Variants in KAZN observed in about 807,000 individuals in gnomAD.
The protein encoded by KAZN is kazrin, periplakin interacting protein.
A neutral mutation model predicts 87.4 loss-of-function variants in KAZN; 40 were observed. The ratio of observed to expected loss-of-function variants is 0.46; its 90% CI spans 0.36 to 0.60. The LOEUF is 0.60. Among genes scored for constraint, KAZN ranks in the 20% least tolerant of loss-of-function variants. The pLI is 0.00. For missense variants in KAZN, 898 were observed against 1,073.9 expected, an observed-to-expected ratio of 0.84 and a Z score of 2.29; for synonymous variants, 466 against 458.3, an observed-to-expected ratio of 1.02 and a Z score of -0.22.
At chr1:14,727,359 G>T (rs1033672988) in intron 1 of KAZN, among the ~76,000 whole-genome samples, 2 of 150,886 alleles carry the variant, frequency 1.3e-5, no homozygotes, top group Non-Finnish European at 2.9e-5. Flanking sequence ...ACCAGGGATG[G>T]GTTTCATTGA....
At chr1:15,093,814 A>C (rs780232980) in intron 8 of KAZN, among the ~76,000 whole-genome samples, 25 of 152,168 alleles carry the variant, frequency 1.6e-4, no homozygotes, top group Admixed American at 1.2e-3. Context: ...GTAGCAGTTC[A>C]TCTTATTTAG....
intron 2 of KAZN, among the ~76,000 whole-genome samples, chr1:14,491,108 C>A (rs1242983157): frequency 6.6e-6 from 1 of 152,150 alleles, no homozygotes; most frequent in Non-Finnish European, 1.5e-5. Flanking sequence ...CATGTCGATC[C>A]TACTCATTCC....
intron 1 of KAZN, among the ~76,000 whole-genome samples, chr1:14,114,188 A>G (rs543350448): frequency 6.6e-6 from 1 of 152,218 alleles, no homozygotes; most frequent in Non-Finnish European, 1.5e-5. Flanking sequence ...CTGGTTCTTC[A>G]GGGCCACAGC....
At chr1:14,429,297 G>A (rs1396002328) in intron 2 of KAZN, among the ~76,000 whole-genome samples, 2 of 152,158 alleles carry the variant, frequency 1.3e-5, no homozygotes, top group East Asian at 1.9e-4. Flanking sequence ...AAAGGGATGA[G>A]GGCCCTATTG....
intron 2 of KAZN, among the ~76,000 whole-genome samples, chr1:15,026,744 T>C (rs1437068830): frequency 1.3e-5 from 2 of 152,234 alleles, no homozygotes; most frequent in African/African-American, 2.4e-5. Context: ...AATGGATAGT[T>C]GTGCCTGTAC....
intron 1 of KAZN, among the ~76,000 whole-genome samples, chr1:14,141,729 A>C (rs1645244051): frequency 3.3e-5 from 5 of 152,072 alleles, no homozygotes; most frequent in Admixed American, 3.3e-4. Flanking sequence ...TAGGTAAAAA[A>C]ATCAGCGAGT....
intron 1 of KAZN, among the ~76,000 whole-genome samples, chr1:14,064,072 T>C (rs1642905392): frequency 1.3e-5 from 2 of 152,150 alleles, no homozygotes; most frequent in South Asian, 2.1e-4. Flanking sequence ...CCTGCCACTC[T>C]GCCTGGCTAA....
At chr1:13,989,632 G>A (rs1225944886) in intron 1 of KAZN, among the ~76,000 whole-genome samples, 1 of 152,102 alleles carries the variant, frequency 6.6e-6, no homozygotes, top group Non-Finnish European at 1.5e-5. Context: ...AGTATTCTAG[G>A]TGGTGGGGAT....
chr1:14,476,939 G>C (rs558431025), intron 2 of KAZN, among the ~76,000 whole-genome samples: 1 of 152,266 alleles, frequency 6.6e-6, no homozygotes, highest in African/African-American at 2.4e-5. Context: ...CCTCTGCCTA[G>C]AGTGTTCTTC....
intron 2 of KAZN, among the ~76,000 whole-genome samples, chr1:14,246,448 T>C (rs1649521881): frequency 1.3e-5 from 2 of 152,244 alleles, no homozygotes; most frequent in Admixed American, 1.3e-4. Flanking sequence ...AAAAACATAT[T>C]ACCATAAATG....
chr1:14,998,159 G>A (rs1024548653), intron 2 of KAZN, among the ~76,000 whole-genome samples: 1 of 152,074 alleles, frequency 6.6e-6, no homozygotes, highest in Non-Finnish European at 1.5e-5. Context: ...CGGGGGGGAG[G>A]GGCAGCGCGG....
chr1:14,930,531 C>G (rs1273330431), intron 1 of KAZN, among the ~76,000 whole-genome samples: 1 of 152,182 alleles, frequency 6.6e-6, no homozygotes, highest in Non-Finnish European at 1.5e-5. Context: ...GGATCATTGA[C>G]TGAGGGCCGA....
At chr1:14,947,431 G>C (rs1322248857) in intron 1 of KAZN, among the ~76,000 whole-genome samples, 1 of 152,218 alleles carries the variant, frequency 6.6e-6, no homozygotes, top group East Asian at 1.9e-4. Context: ...ATTGTTGCAA[G>C]AGCCAAGACT....
rs373015929 is a variant in KAZN at position 14,946,462 on chromosome 1, C to T, written c.227-14222C>T. 1.5e-4 allele frequency among the ~76,000 whole-genome samples: 23 copies of T among 152,056 alleles called. No homozygotes were observed. The East Asian group carries it at 3.5e-3, about 23-fold the overall frequency. ...ACGCCATTCTCCTGCCTCAGCCTCC[C>T]GAGTCACTGGGGCTACAGGCGCCTG... On this transcript the variant is annotated intron_variant, in intron 1 of 14. Coordinates refer to ENST00000376030, the MANE Select transcript of KAZN (RefSeq NM_201628.3).
At chr1:14,161,708 T>C (rs1048392579) in intron 1 of KAZN, among the ~76,000 whole-genome samples, 1 of 152,210 alleles carries the variant, frequency 6.6e-6, no homozygotes, top group Admixed American at 6.5e-5. Flanking sequence ...GGTTCTATTT[T>C]GGAATCTAGC....
chr1:14,300,272 T>A (rs556099036), intron 2 of KAZN, among the ~76,000 whole-genome samples: 47 of 151,224 alleles, frequency 3.1e-4, no homozygotes, highest in African/African-American at 1.0e-3. Flanking sequence ...TTATTTATTT[T>A]TTTTTAAGAC....
intron 1 of KAZN, among the ~76,000 whole-genome samples, chr1:14,936,234 C>T (rs1473208636): frequency 6.6e-6 from 1 of 152,236 alleles, no homozygotes; most frequent in Non-Finnish European, 1.5e-5. Flanking sequence ...TCAGCCTGGC[C>T]TAGCTCACGG....
Position 14,433,012 on chromosome 1 carries a change from GCACA to G in KAZN, c.250-165958_250-165955del, listed in dbSNP as rs371544308. 3.3e-5 allele frequency among the ~76,000 whole-genome samples: 5 copies of G among 151,310 alleles called. No homozygotes were observed. In the East Asian group the frequency reaches 5.8e-4, roughly 18 times the overall value. ...TGTACATATCTGTGTAGGTGGTTGTGCACACACACACACACAAATTATTCAGTCT... is the reference window on the plus strand; with the variant it reads ...TGTACATATCTGTGTAGGTGGTTGTGCACACACACACAAATTATTCAGTCT... On this transcript the variant is annotated intron_variant, in intron 2 of 16. Transcript: ENST00000636203.
intron 2 of KAZN, among the ~76,000 whole-genome samples, chr1:14,379,426 C>G (rs2101043029): frequency 6.6e-6 from 1 of 152,198 alleles, no homozygotes; most frequent in East Asian, 1.9e-4. Flanking sequence ...AAGTAAAGCA[C>G]CAAGCAGGCT....
Sources: gnomAD v4.1 joint callset for allele counts (sites outside exome capture counted in the v4.1 genomes callset) on GRCh38, gnomAD v4.1.1 for gene constraint, MANE v1.5 for transcripts, NCBI Gene and HGNC (gene_info 2026-07-23, HGNC 2026-07-21) for gene names.